The following CAPS2 variants were observed in gnomAD, a reference collection of about 807,000 sequenced individuals.
The protein encoded by CAPS2 is calcyphosine 2.
In CAPS2, 98 loss-of-function variants were observed where a neutral mutation model predicts 86.5. That is an observed-to-expected ratio of 1.13 (90% CI 0.96 to 1.34). The LOEUF (loss-of-function observed/expected upper bound fraction) is 1.34. CAPS2 is among the 40% of genes most tolerant of loss of function. The probability of loss-of-function intolerance (pLI) is 0.00; values close to 1 mark genes in which losing one functional copy is unlikely to be tolerated. For synonymous variants in CAPS2, 210 were observed against 225.1 expected (o/e 0.93, Z 0.60); for missense variants, 729 against 686.8 (o/e 1.06, Z -0.69).
intron 1 of CAPS2, chr12:75,370,181 A>G (rs2139700581): frequency 7.4e-7 from 1 of 1,349,584 alleles, no homozygotes; most frequent in Admixed American, 1.7e-5. Flanking sequence ...TTTTAATGTC[A>G]TTTATATACA....
chr12:75,375,249 T>C (rs758818712), intron 1 of CAPS2, among the ~76,000 whole-genome samples: 2 of 152,296 alleles, frequency 1.3e-5, no homozygotes, highest in East Asian at 1.9e-4. Context: ...AGGGACCCAC[T>C]GGCCCCACTG....
At chr12:75,278,893 A>G in exon 17 of CAPS2, 1 of 1,556,948 alleles carries the variant, frequency 6.4e-7, no homozygotes, top group Non-Finnish European at 8.6e-7. Context: ...TTAAAGACTA[A>G]ATCCCCCATG....
chr12:75,368,759 T>C (rs1240131925), intron 1 of CAPS2, among the ~76,000 whole-genome samples: 1 of 152,020 alleles, frequency 6.6e-6, no homozygotes, highest in Non-Finnish European at 1.5e-5. Context: ...TTACAGTGTG[T>C]ATAAGATTCT....
At chr12:75,313,071 T>G (rs1165447117) in intron 6 of CAPS2, among the ~76,000 whole-genome samples, 156 bp from the exon 7 acceptor site, 2 of 152,226 alleles carry the variant, frequency 1.3e-5, no homozygotes, top group East Asian at 3.8e-4. Context: ...TTACTTTCCA[T>G]CATTACTAAA....
intron 11 of CAPS2, among the ~76,000 whole-genome samples, chr12:75,295,624 A>G (rs898577619): frequency 6.6e-6 from 1 of 152,234 alleles, no homozygotes; most frequent in African/African-American, 2.4e-5. Context: ...TCTTCTAAGT[A>G]CTTGTCATTC....
At chr12:75,322,912 A>G in intron 4 of CAPS2, 1 of 930,372 alleles carries the variant, frequency 1.1e-6, no homozygotes, top group Admixed American at 2.2e-5. Flanking sequence ...CAAAACATAG[A>G]CTGAACATAA....
At chr12:75,278,562 T>C in exon 17 of CAPS2, 3 of 1,010,138 alleles carry the variant, frequency 3.0e-6, no homozygotes, top group Non-Finnish European at 3.5e-6. Context: ...GATGCAGATG[T>C]AACTTTCCTA....
chr12:75,354,782 A>G (rs1453436538), intron 1 of CAPS2, among the ~76,000 whole-genome samples: 1 of 152,216 alleles, frequency 6.6e-6, no homozygotes, highest in Non-Finnish European at 1.5e-5. Context: ...AAAAACAGAC[A>G]CACAGACCAA....
chr12:75,291,567 G>GTATATATATATA (rs66622366), intron 13 of CAPS2, among the ~76,000 whole-genome samples, 177 bp downstream of exon 13: 3 of 27,700 alleles, frequency 1.1e-4, no homozygotes, highest in East Asian at 1.3e-3. Flanking sequence ...ATTTTTAAAA[G>GTATATATATATA]TATATATATA....
intron 1 of CAPS2, among the ~76,000 whole-genome samples, chr12:75,348,550 T>C (rs1208435860): frequency 1.3e-5 from 2 of 152,196 alleles, no homozygotes; most frequent in African/African-American, 4.8e-5. Flanking sequence ...TCTTTTCTCT[T>C]AAGGAGACTA....
chr12:75,347,854 G>A (rs1318905953), intron 1 of CAPS2: 17 of 396,356 alleles, frequency 4.3e-5, no homozygotes, highest in Middle Eastern at 1.2e-3. Flanking sequence ...CTAATCAAAT[G>A]AGATAGGTGA....
intron 1 of CAPS2, chr12:75,365,179 A>G (rs1043451863): frequency 1.4e-4 from 21 of 152,194 alleles, no homozygotes; most frequent in African/African-American, 5.1e-4. Flanking sequence ...AAAGCAGATC[A>G]GGCTCAATGG....
rs1417132447 is a variant in CAPS2, at chr12:75,320,853, T to C, written c.468+547A>G. ...GATTATGAAAGCATTACAATTACTA[T>C]GTTTAATTTATTATTATATTCATTA... is the stretch of plus-strand genomic sequence containing the variant. On this transcript the variant is annotated intron_variant, in intron 5 of 16. Coordinates refer to ENST00000393284, the Ensembl canonical transcript of CAPS2. Among the ~76,000 whole-genome samples, 5 of 151,996 alleles carry C rather than the reference T, an allele frequency of 3.3e-5. 1 individual carries two copies. The highest frequency in any genetic ancestry group is 4.1e-4 in the South Asian group (2 of 4,834).
intron 1 of CAPS2, among the ~76,000 whole-genome samples, chr12:75,356,953 G>T (rs1423891069): frequency 1.3e-5 from 2 of 152,116 alleles, no homozygotes; most frequent in East Asian, 3.9e-4. Context: ...TCAAGAGGCT[G>T]ATGTGGGAGA....
intron 7 of CAPS2, chr12:75,305,521 C>A: frequency 1.6e-6 from 1 of 617,132 alleles, no homozygotes; most frequent in Non-Finnish European, 3.1e-6. Context: ...GCATAGCAAC[C>A]CTAGGGTTCC....
At chr12:75,284,267 A>G (rs191918813) in intron 15 of CAPS2, among the ~76,000 whole-genome samples, 1 of 152,292 alleles carries the variant, frequency 6.6e-6, no homozygotes, top group East Asian at 1.9e-4. Flanking sequence ...TAATTTCTCT[A>G]TTTGGGATTT....
chr12:75,314,067 A>G (rs2039501916), intron 6 of CAPS2, among the ~76,000 whole-genome samples: 1 of 151,988 alleles, frequency 6.6e-6, no homozygotes, highest in Non-Finnish European at 1.5e-5. Flanking sequence ...CTACAGGTGT[A>G]TGCCACCACG....
At chr12:75,327,833 A>C (rs1565921419), upstream of CAPS2, among the ~76,000 whole-genome samples, 1 of 148,796 alleles carries the variant, frequency 6.7e-6, no homozygotes, top group African/African-American at 2.4e-5. Flanking sequence ...TATTTATTAA[A>C]ATTATTAAAA....
chr12:75,308,097 C>G (rs897635491), intron 7 of CAPS2, among the ~76,000 whole-genome samples: 2 of 152,138 alleles, frequency 1.3e-5, no homozygotes, highest in Non-Finnish European at 2.9e-5. Flanking sequence ...GGTTGTGGGC[C>G]AAGTCTAAAT....
Sources: gnomAD v4.1 joint callset for allele counts (sites outside exome capture counted in the v4.1 genomes callset) on GRCh38, gnomAD v4.1.1 for gene constraint, MANE v1.5 for transcripts, NCBI Gene and HGNC (gene_info 2026-07-23, HGNC 2026-07-21) for gene names.